Variants in ASTN1 observed in about 807,000 individuals in gnomAD.
The protein encoded by ASTN1 is astrotactin-1.
In ASTN1, 41 loss-of-function variants were observed where a neutral mutation model predicts 140.7. The observed-to-expected ratio is 0.29, with a 90% CI of 0.23 to 0.38. ASTN1 has a LOEUF of 0.38. Among genes scored for constraint, ASTN1 ranks in the 10% least tolerant of loss-of-function variants. The probability of loss-of-function intolerance (pLI) is 1.00; values close to 1 mark genes in which losing one functional copy is unlikely to be tolerated. For synonymous variants in ASTN1, 640 were observed against 652.2 expected, an observed-to-expected ratio of 0.98 and a Z score of 0.29; for missense variants, 1,479 against 1,678.8, an observed-to-expected ratio of 0.88 and a Z score of 2.08.
intron 18 of ASTN1, 129 bp downstream of exon 18, chr1:176,887,942 A>C (rs1669105877): frequency 7.7e-7 from 1 of 1,306,770 alleles, no homozygotes; most frequent in Non-Finnish European, 1.0e-6. Context: ...GTAGATTGAA[A>C]GCTCTCTAAA....
intron 1 of ASTN1, among the ~76,000 whole-genome samples, chr1:177,143,759 T>C (rs1682576695): frequency 6.6e-6 from 1 of 152,136 alleles, no homozygotes; most frequent in African/African-American, 2.4e-5. Context: ...TTCTAATACA[T>C]ATATTTTCTA....
intron 2 of ASTN1, among the ~76,000 whole-genome samples, chr1:177,058,971 G>T (rs1470161272): frequency 3.3e-5 from 5 of 152,148 alleles, no homozygotes. Context: ...TCTTTCTGCA[G>T]ATTCTCGCAC....
intron 12 of ASTN1, among the ~76,000 whole-genome samples, 197 bp downstream of exon 12, chr1:176,948,988 C>T (rs189757214): frequency 5.9e-5 from 9 of 152,300 alleles, no homozygotes; most frequent in Admixed American, 5.9e-4. Flanking sequence ...CTGGACTAGA[C>T]TTAGGTCCCA....
intron 1 of ASTN1, among the ~76,000 whole-genome samples, chr1:177,068,147 G>T (rs986329685): frequency 4.6e-5 from 7 of 152,214 alleles, no homozygotes; most frequent in Non-Finnish European, 2.9e-5. Flanking sequence ...TTGCGAAGAT[G>T]TTCAGAGAAC....
chr1:176,997,264 G>C (rs1281868136), intron 8 of ASTN1, among the ~76,000 whole-genome samples: 1 of 152,118 alleles, frequency 6.6e-6, no homozygotes, highest in African/African-American at 2.4e-5. Flanking sequence ...AGTTCACAGG[G>C]GAGGATGTTA....
intron 14 of ASTN1, among the ~76,000 whole-genome samples, chr1:176,941,562 C>A (rs1408656512): frequency 1.3e-5 from 2 of 152,178 alleles, no homozygotes; most frequent in Admixed American, 6.5e-5. Flanking sequence ...TACTTTCTAT[C>A]GTGAATGAGC....
chr1:176,897,792 GA>G (rs1263890300), intron 16 of ASTN1, among the ~76,000 whole-genome samples: 1 of 152,114 alleles, frequency 6.6e-6, no homozygotes, highest in African/African-American at 2.4e-5. Flanking sequence ...ATTCCGAAGG[GA>G]AAATAACCCC....
At chr1:177,101,050 C>T (rs1680278927) in intron 1 of ASTN1, among the ~76,000 whole-genome samples, 2 of 152,034 alleles carry the variant, frequency 1.3e-5, no homozygotes, top group Admixed American at 6.5e-5. Context: ...TGAGATTGCA[C>T]CATTGCACTC....
At chr1:176,914,370 C>T (rs779642499) in intron 16 of ASTN1, among the ~76,000 whole-genome samples, 3 of 152,122 alleles carry the variant, frequency 2.0e-5, no homozygotes, top group East Asian at 1.9e-4. Flanking sequence ...GGGCAGGCTT[C>T]GCTGACTAGG....
At chr1:177,101,589 G>A (rs948776816) in intron 1 of ASTN1, among the ~76,000 whole-genome samples, 1 of 152,126 alleles carries the variant, frequency 6.6e-6, no homozygotes, top group Non-Finnish European at 1.5e-5. Flanking sequence ...AGGGGTGGCT[G>A]GTGCTGTTTT....
intron 7 of ASTN1, among the ~76,000 whole-genome samples, chr1:177,016,288 A>T (rs1006841644): frequency 1.3e-5 from 2 of 149,298 alleles, no homozygotes; most frequent in East Asian, 3.9e-4. Context: ...TGTTCTGAGA[A>T]GTAGAGTGAA....
intron 1 of ASTN1, among the ~76,000 whole-genome samples, chr1:177,159,370 T>G (rs1019899456): frequency 6.6e-6 from 1 of 152,168 alleles, no homozygotes; most frequent in Non-Finnish European, 1.5e-5. Context: ...TCTATACAAA[T>G]GCATTTACTA....
intron 2 of ASTN1, among the ~76,000 whole-genome samples, chr1:177,055,131 C>A (rs539282599): frequency 6.6e-6 from 1 of 152,226 alleles, no homozygotes; most frequent in Non-Finnish European, 1.5e-5. Context: ...AATGAAGCTT[C>A]CAAAAAGCGC....
intron 1 of ASTN1, among the ~76,000 whole-genome samples, chr1:177,145,457 T>G (rs1390625981): frequency 6.6e-6 from 1 of 152,204 alleles, no homozygotes; most frequent in Admixed American, 6.5e-5. Flanking sequence ...TCTGAAATTC[T>G]CAACCAAGCA....
chr1:177,027,278 G>A (rs1676165902), intron 5 of ASTN1, among the ~76,000 whole-genome samples: 1 of 152,030 alleles, frequency 6.6e-6, no homozygotes, highest in South Asian at 2.1e-4. Context: ...GGTGCTATAA[G>A]GTGTGATAAG....
At chr1:176,859,387 C>A (rs1475710619), downstream of ASTN1, among the ~76,000 whole-genome samples, 1 of 152,186 alleles carries the variant, frequency 6.6e-6, no homozygotes, top group African/African-American at 2.4e-5. Context: ...AAGTTCTCAT[C>A]TCCTTTCCAC....
chr1:177,155,209 C>A (rs551479333), intron 1 of ASTN1, among the ~76,000 whole-genome samples: 2 of 152,218 alleles, frequency 1.3e-5, no homozygotes, highest in South Asian at 4.2e-4. Context: ...GGAAGTAAGG[C>A]ATGGAGGATT....
intron 8 of ASTN1, among the ~76,000 whole-genome samples, chr1:176,986,483 G>A (rs1465376211): frequency 1.3e-5 from 2 of 152,166 alleles, no homozygotes; most frequent in Non-Finnish European, 2.9e-5. Context: ...TTATGTGGGT[G>A]TTTGTGTTTA....
intron 2 of ASTN1, among the ~76,000 whole-genome samples, chr1:177,051,035 A>G (rs898419183): frequency 3.3e-5 from 5 of 152,328 alleles, no homozygotes; most frequent in African/African-American, 9.6e-5. Context: ...TTTTGTTTTC[A>G]TTAACATCTG....
Sources: allele counts gnomAD v4.1 joint callset (sites outside exome capture counted in the v4.1 genomes callset), GRCh38; gene constraint gnomAD v4.1.1; transcripts MANE v1.5; gene names NCBI Gene and HGNC (gene_info 2026-07-23, HGNC 2026-07-21).